Variants in MMP26 observed in about 807,000 individuals in gnomAD.
MMP26 encodes matrix metalloproteinase-26.
MMP26 carries 33 observed loss-of-function variants against 31.0 expected under a neutral mutation model. The ratio of observed to expected loss-of-function variants is 1.06; its 90% CI spans 0.81 to 1.42. The LOEUF is 1.42. MMP26 is among the 40% of genes most tolerant of loss of function. The pLI, the probability that MMP26 is intolerant of heterozygous loss-of-function variation, is 0.00. For synonymous variants in MMP26, 122 were observed against 114.9 expected (o/e 1.06, Z -0.40); for missense variants, 347 against 316.1 (o/e 1.10, Z -0.74).
At chr11:4,960,694 C>T (rs888586099) in intron 2 of MMP26, among the ~76,000 whole-genome samples, 20 of 151,268 alleles carry the variant, frequency 1.3e-4, no homozygotes, top group Non-Finnish European at 7.4e-5. Flanking sequence ...ATTACAGTAC[C>T]AAAAGGCCAA....
At chr11:4,802,620 C>T (rs1849198630) in intron 2 of MMP26, among the ~76,000 whole-genome samples, 1 of 151,676 alleles carries the variant, frequency 6.6e-6, no homozygotes, top group Admixed American at 6.6e-5. Context: ...TCATTTTTAT[C>T]AATAAAAACA....
intron 1 of MMP26, among the ~76,000 whole-genome samples, chr11:4,759,188 A>T (rs1281631256): frequency 6.6e-6 from 1 of 151,726 alleles, no homozygotes; most frequent in African/African-American, 2.4e-5. Flanking sequence ...AGGGACTAGT[A>T]GTTAATACAG....
chr11:4,990,246 T>C (rs1461548379), intron 4 of MMP26, among the ~76,000 whole-genome samples: 2 of 152,242 alleles, frequency 1.3e-5, no homozygotes, highest in Non-Finnish European at 2.9e-5. Flanking sequence ...TTATGTAGAA[T>C]GCTATACATT....
chr11:4,763,549 G>T (rs986407028), intron 1 of MMP26, among the ~76,000 whole-genome samples: 3 of 152,196 alleles, frequency 2.0e-5, no homozygotes, highest in African/African-American at 7.2e-5. Flanking sequence ...GTACTGAAGG[G>T]CATGTGGATA....
At chr11:4,982,512 G>A (rs11034983) in intron 2 of MMP26, among the ~76,000 whole-genome samples, 1 of 152,000 alleles carries the variant, frequency 6.6e-6, no homozygotes, top group African/African-American at 2.4e-5. Context: ...TCTAAATTTC[G>A]ACAAATTACT....
At chr11:4,906,514 T>A (rs1371198055) in intron 2 of MMP26, among the ~76,000 whole-genome samples, 1 of 152,216 alleles carries the variant, frequency 6.6e-6, no homozygotes, top group Non-Finnish European at 1.5e-5. Context: ...AAAATGTGCA[T>A]AAGTACCTAC....
chr11:4,932,728 A>G (rs188090219), intron 2 of MMP26, among the ~76,000 whole-genome samples: 3 of 152,198 alleles, frequency 2.0e-5, no homozygotes, highest in Non-Finnish European at 4.4e-5. Flanking sequence ...CTCTCCAGCT[A>G]TTTCTGAACA....
chr11:4,965,285 C>T (rs548232877), intron 2 of MMP26, among the ~76,000 whole-genome samples: 3 of 152,148 alleles, frequency 2.0e-5, no homozygotes, highest in South Asian at 2.1e-4. Context: ...CCTAGCAAGC[C>T]GAGATCCTTG....
chr11:4,916,603 A>C (rs569964798), intron 2 of MMP26, among the ~76,000 whole-genome samples: 2 of 151,832 alleles, frequency 1.3e-5, no homozygotes, highest in South Asian at 4.2e-4. Flanking sequence ...CCAACCCTTC[A>C]CTCACCTTCT....
chr11:4,943,967 C>T, intron 2 of MMP26: 1 of 409,242 alleles, frequency 2.4e-6, no homozygotes, highest in South Asian at 1.8e-5. Flanking sequence ...TACTCCTCAT[C>T]TTTTTAGTGG....
intron 2 of MMP26, among the ~76,000 whole-genome samples, chr11:4,972,654 T>A (rs2133632737): frequency 6.6e-6 from 1 of 152,026 alleles, no homozygotes; most frequent in South Asian, 2.1e-4. Context: ...ATTTTCAAAT[T>A]AACATAGACA....
intron 2 of MMP26, among the ~76,000 whole-genome samples, chr11:4,854,746 G>T (rs1322760394): frequency 6.6e-6 from 1 of 152,222 alleles, no homozygotes; most frequent in Non-Finnish European, 1.5e-5. Context: ...TGAGATCTGA[G>T]AATGGACAGA....
At chr11:4,946,243 T>C (rs397834731) in intron 2 of MMP26, 85 of 1,613,872 alleles carry the variant, frequency 5.3e-5, no homozygotes, top group African/African-American at 1.5e-4. Context: ...GGTTCGTCAG[T>C]GGAGGTACAA....
intron 2 of MMP26, among the ~76,000 whole-genome samples, chr11:4,865,158 T>G (rs982331569): frequency 1.3e-5 from 2 of 152,218 alleles, no homozygotes; most frequent in African/African-American, 4.8e-5. Flanking sequence ...CATTTTAAAT[T>G]TCTTTATTAA....
At position 4,861,504 on chromosome 11, in the gene MMP26, G is replaced by T. The variant is rs189110728; in HGVS notation, c.-145+94163G>T. On this transcript the variant is annotated intron_variant, in intron 2 of 7. Transcript: ENST00000380390. ...ATATGTATATATGTATATATATATA[G>T]AGAGAGGGAATGTATCCTGGATATC... Among the ~76,000 whole-genome samples the T allele has an allele frequency of 5.4e-3, 815 of 151,680 alleles. 4 individuals are homozygous for T. The highest frequency in any genetic ancestry group is 0.018 in the African/African-American group (743 of 41,388).
At chr11:4,755,499 G>A (rs1164415770) in intron 1 of MMP26, among the ~76,000 whole-genome samples, 1 of 151,980 alleles carries the variant, frequency 6.6e-6, no homozygotes, top group African/African-American at 2.4e-5. Context: ...TTTTAGTCTT[G>A]TATCAGACAT....
chr11:4,828,349 G>T (rs942533197), intron 2 of MMP26, among the ~76,000 whole-genome samples: 1 of 152,110 alleles, frequency 6.6e-6, no homozygotes, highest in Non-Finnish European at 1.5e-5. Flanking sequence ...ATCCATAGTT[G>T]TCCTCTGAGC....
chr11:4,987,792 T>C (rs1846927561), intron 2 of MMP26, among the ~76,000 whole-genome samples: 1 of 152,156 alleles, frequency 6.6e-6, no homozygotes, highest in Non-Finnish European at 1.5e-5. Flanking sequence ...GATTTTATTC[T>C]TTTTTCTCTT....
chr11:4,890,202 C>T (rs754277582), intron 2 of MMP26: 2 of 152,718 alleles, frequency 1.3e-5, no homozygotes, highest in Non-Finnish European at 2.9e-5. Context: ...ATATGTACCT[C>T]AGAGGGTGGC....
Sources: allele counts gnomAD v4.1 joint callset (sites outside exome capture counted in the v4.1 genomes callset), GRCh38; gene constraint gnomAD v4.1.1; transcripts MANE v1.5; gene names NCBI Gene and HGNC (gene_info 2026-07-23, HGNC 2026-07-21).